The following STK32A variants were observed in gnomAD, a reference collection of about 807,000 sequenced individuals.
The protein encoded by STK32A is serine/threonine kinase 32A.
Under a neutral mutation model 53.2 loss-of-function variants are expected in STK32A, and 41 were observed. That is an observed-to-expected ratio of 0.77 (90% CI 0.60 to 1.00). The LOEUF is 1.00. Among genes scored for constraint, STK32A ranks in the 50% least tolerant of loss-of-function variants. STK32A has a pLI of 0.00. For missense variants in STK32A, 458 were observed against 485.8 expected (o/e 0.94, Z 0.54); for synonymous variants, 166 against 162.8 (o/e 1.02, Z -0.15).
At chr5:147,290,174 A>G (rs1047955995) in intron 4 of STK32A, among the ~76,000 whole-genome samples, 1 of 152,196 alleles carries the variant, frequency 6.6e-6, no homozygotes, top group African/African-American at 2.4e-5. Context: ...ACATGAATAT[A>G]TAAACTGTGA....
intron 3 of STK32A, among the ~76,000 whole-genome samples, chr5:147,278,631 AT>A (rs1389457068): frequency 6.6e-6 from 1 of 151,826 alleles, no homozygotes. Flanking sequence ...ATTCAGTTTA[AT>A]TTTTTTTGCA....
chr5:147,241,465 C>A (rs940413358), intron 2 of STK32A, among the ~76,000 whole-genome samples: 3 of 151,010 alleles, frequency 2.0e-5, no homozygotes, highest in East Asian at 2.0e-4. Context: ...GGCGACAGAG[C>A]GAGACTCCAT....
the STK32A span, chr5:147,401,574 T>C: frequency 6.8e-6 from 11 of 1,613,542 alleles, no homozygotes; most frequent in African/African-American, 1.3e-5. Context: ...TCCGGAGTAG[T>C]TGGGTCAGGG....
chr5:147,343,224 C>A (rs2151988924), intron 6 of STK32A, 181 bp downstream of exon 6: 4 of 768,758 alleles, frequency 5.2e-6, no homozygotes, highest in East Asian at 2.5e-5. Context: ...TATAGTACAA[C>A]AATACACCCT....
At chr5:147,383,856 A>G (rs1164563804) in intron 12 of STK32A, 34 bp from the exon 13 acceptor site, 1 of 1,410,138 alleles carries the variant, frequency 7.1e-7, no homozygotes, top group South Asian at 1.3e-5. Context: ...TTTTTCAAAG[A>G]ATAAAACATC....
At chr5:147,349,288 G>T (rs901581737) in intron 6 of STK32A, among the ~76,000 whole-genome samples, 2 of 152,216 alleles carry the variant, frequency 1.3e-5, no homozygotes, top group African/African-American at 4.8e-5. Context: ...GATAAAGGCA[G>T]TGGGATTTAT....
chr5:147,394,724 C>T, the STK32A span, among the ~76,000 whole-genome samples: 1,273 of 152,020 alleles, frequency 8.4e-3, 12 homozygotes, highest in Non-Finnish European at 0.011. Context: ...TTGCTTATGA[C>T]TAGCAGAATG....
chr5:147,334,527 T>C (rs751786439), intron 5 of STK32A, among the ~76,000 whole-genome samples: 9 of 152,216 alleles, frequency 5.9e-5, no homozygotes, highest in Non-Finnish European at 8.8e-5. Flanking sequence ...TAATCATGAA[T>C]AACAGTGGAA....
rs756019100 is a variant in STK32A, at chr5:147,386,630, C to T, written c.*2647C>T. On this transcript the variant is annotated 3_prime_UTR_variant, in exon 13 of 13. Transcript: ENST00000397936. Reference sequence around the variant, plus strand: ...CCCTAGTTTTATTTCCAGTGAGCTGCTTCTGTGACTGAAGCACCTCTGTGG... The same window carrying T: ...CCCTAGTTTTATTTCCAGTGAGCTGTTTCTGTGACTGAAGCACCTCTGTGG... 3.3e-5 allele frequency: 5 copies of T among 152,202 alleles called. No individual in the cohort carries two copies. The highest frequency in any genetic ancestry group is 5.9e-5 in the Non-Finnish European group (4 of 68,058). The allele number at this position is 152,202 out of a possible 1,614,324, so 9.4% of individuals were successfully genotyped here. A position where few individuals can be genotyped will look rare whatever the true frequency, so the allele number is the denominator to read the frequency against.
intron 5 of STK32A, among the ~76,000 whole-genome samples, chr5:147,337,366 C>G (rs1755186197): frequency 6.6e-6 from 1 of 152,168 alleles, no homozygotes; most frequent in Non-Finnish European, 1.5e-5. Flanking sequence ...TACTCTTACT[C>G]TAATACATAC....
At chr5:147,288,900 T>G (rs896801807) in intron 4 of STK32A, among the ~76,000 whole-genome samples, 4 of 152,212 alleles carry the variant, frequency 2.6e-5, no homozygotes, top group Non-Finnish European at 5.9e-5. Context: ...TGTGTAACTT[T>G]ACATTTATAA....
chr5:147,253,982 C>G (rs1412431954), intron 2 of STK32A, among the ~76,000 whole-genome samples: 1 of 152,152 alleles, frequency 6.6e-6, no homozygotes, highest in Non-Finnish European at 1.5e-5. Flanking sequence ...AAGCATGGCA[C>G]AAGTAGATAT....
At chr5:147,238,351 G>T (rs1462962180) in intron 1 of STK32A, among the ~76,000 whole-genome samples, 1 of 152,142 alleles carries the variant, frequency 6.6e-6, no homozygotes, top group African/African-American at 2.4e-5. Context: ...TCATCTGCCT[G>T]GCTCCTATAG....
intron 4 of STK32A, among the ~76,000 whole-genome samples, chr5:147,301,255 G>A (rs1178461591): frequency 6.6e-6 from 1 of 151,792 alleles, no homozygotes; most frequent in Admixed American, 6.6e-5. Context: ...CTGATCATGG[G>A]GAGGTCCTCA....
chr5:147,390,327 T>C (rs1179247042), downstream of STK32A, among the ~76,000 whole-genome samples: 2 of 152,154 alleles, frequency 1.3e-5, no homozygotes, highest in Non-Finnish European at 2.9e-5. Flanking sequence ...AAATAATGCT[T>C]CCGTACACTG....
intron 7 of STK32A, among the ~76,000 whole-genome samples, chr5:147,359,549 A>G (rs551170471): frequency 5.9e-5 from 9 of 152,214 alleles, no homozygotes; most frequent in Non-Finnish European, 1.3e-4. Context: ...TTCTTAGCAC[A>G]GTGGCTCTGA....
At chr5:147,309,198 A>G (rs572093747) in intron 4 of STK32A, among the ~76,000 whole-genome samples, 2 of 152,220 alleles carry the variant, frequency 1.3e-5, no homozygotes, top group Admixed American at 6.6e-5. Context: ...CCCTTCCTTC[A>G]TGTACTAGGA....
chr5:147,271,659 C>T (rs1755042222), intron 2 of STK32A, among the ~76,000 whole-genome samples: 1 of 152,070 alleles, frequency 6.6e-6, no homozygotes, highest in Admixed American at 6.6e-5. Context: ...TAAAATGGCC[C>T]CCTTGGGTGT....
At chr5:147,325,092 T>A (rs749674958) in intron 5 of STK32A, among the ~76,000 whole-genome samples, 12 of 152,214 alleles carry the variant, frequency 7.9e-5, no homozygotes, top group Admixed American at 7.9e-4. Context: ...AATTCTATGA[T>A]ACCAATTCAC....
Sources: gnomAD v4.1 joint callset for allele counts (sites outside exome capture counted in the v4.1 genomes callset) on GRCh38, gnomAD v4.1.1 for gene constraint, MANE v1.5 for transcripts, NCBI Gene and HGNC (gene_info 2026-07-23, HGNC 2026-07-21) for gene names.